The following SERPINF2 variants were observed in gnomAD, a reference collection of about 807,000 sequenced individuals.
The protein encoded by SERPINF2 is serpin family F member 2.
SERPINF2 carries 15 observed loss-of-function variants against 45.0 expected under a neutral mutation model. The observed-to-expected ratio is 0.33, with a 90% CI of 0.22 to 0.51. The LOEUF is 0.51. Ranked by LOEUF, SERPINF2 falls within the 20% of genes least tolerant of loss-of-function variation. SERPINF2 has a pLI of 0.97. For missense variants in SERPINF2, 518 were observed against 637.4 expected (o/e 0.81, Z 2.02); for synonymous variants, 283 against 277.9 (o/e 1.02, Z -0.18).
chr17:1,746,265 C>T (rs1202909680), intron 5 of SERPINF2, among the ~76,000 whole-genome samples: 4 of 151,794 alleles, frequency 2.6e-5, no homozygotes, highest in African/African-American at 9.7e-5. Context: ...TACAGTGAGC[C>T]GAGATGGCGC....
rs1905653894 is a variant in SERPINF2 at position 1,744,915 on chromosome 17, C to T, written c.-4-77C>T. The T allele has an allele frequency of 2.5e-6, 4 of 1,609,042 alleles. No homozygotes were observed. The South Asian group carries it at 4.4e-5, about 18-fold the overall frequency. ...ATCATGACCCAGGACTTGGCGTTAT[C>T]TGTGATCGCGTGGGTAGGATTCCCT... On this transcript the variant is annotated intron_variant, in intron 1 of 9. Transcript: ENST00000453066.
chr17:1,744,683 G>T, intron 1 of SERPINF2: 1 of 985,360 alleles, frequency 1.0e-6, no homozygotes, highest in Non-Finnish European at 1.2e-6. Flanking sequence ...CACAGCGCAG[G>T]GCCTTGTAGA....
chr17:1,746,854 G>A (rs1266752985), intron 5 of SERPINF2, among the ~76,000 whole-genome samples, 165 bp from the exon 6 acceptor site: 2 of 152,230 alleles, frequency 1.3e-5, no homozygotes, highest in African/African-American at 4.8e-5. Flanking sequence ...CACCCAGCCT[G>A]TCAGCCACAG....
Position 1,754,697 on chromosome 17 carries a change from GC to G in SERPINF2, c.*164del. The G allele has an allele frequency of 2.4e-6, 1 of 418,954 alleles. No homozygotes were observed. The highest frequency in any genetic ancestry group is 5.6e-5 in the East Asian group (1 of 17,706). The allele number at this position is 418,954 out of a possible 1,614,324, so 26.0% of individuals were successfully genotyped here. ...GGGGAGTTTAGGGTGGGGGGGGGGC[GC>G]GGCTGGGAGGAGGGCAGGCATCGGG... On this transcript the variant is annotated 3_prime_UTR_variant, in exon 10 of 10. Coordinates refer to ENST00000453066, the MANE Select transcript of SERPINF2 (RefSeq NM_000934.4).
rs550661879 is a variant in SERPINF2, at chr17:1,754,728, C to T, written c.*194C>T. The T allele has an allele frequency of 3.9e-5, 26 of 662,184 alleles. No homozygotes were observed. Among genetic ancestry groups the T allele is most frequent in the Middle Eastern group, 4.3e-4 (1 of 2,344 alleles). 41.0% of individuals were successfully genotyped at this position (662,184 alleles called of 1,614,324 possible). A position where few individuals can be genotyped will look rare whatever the true frequency, so the allele number is the denominator to read the frequency against. On this transcript the variant is annotated 3_prime_UTR_variant, in exon 10 of 10. Transcript: ENST00000453066. ...GGGAGGAGGGCAGGCATCGGGGAGCCGGGAGCCTGACCCTCATCTTTCTTC... is the reference window on the plus strand; with the variant it reads ...GGGAGGAGGGCAGGCATCGGGGAGCTGGGAGCCTGACCCTCATCTTTCTTC...
intron 6 of SERPINF2, 48 bp downstream of exon 6, chr17:1,747,210 G>A: frequency 1.2e-6 from 2 of 1,611,024 alleles, no homozygotes; most frequent in Non-Finnish European, 8.5e-7. Context: ...CTGGGTGGAG[G>A]AGGGTGAGAG....
intron 8 of SERPINF2, 68 bp from the exon 9 acceptor site, chr17:1,752,518 T>A (rs542253917): frequency 9.6e-6 from 14 of 1,458,378 alleles, no homozygotes; most frequent in Non-Finnish European, 1.3e-5. Flanking sequence ...TAGGAGCACC[T>A]GCTGGCCCCA....
intron 5 of SERPINF2, 48 bp from the exon 6 acceptor site, chr17:1,746,971 G>T (rs547629315): frequency 1.3e-6 from 2 of 1,592,368 alleles, no homozygotes; most frequent in Admixed American, 1.7e-5. Flanking sequence ...GGCAGTGGGG[G>T]TGAGAAAGGA....
intron 8 of SERPINF2, among the ~76,000 whole-genome samples, chr17:1,751,608 G>A (rs1304372198): frequency 7.3e-6 from 1 of 136,446 alleles, no homozygotes; most frequent in African/African-American, 2.5e-5. Flanking sequence ...CAAAAAATTA[G>A]CCGGGCGTAG....
At chr17:1,749,358 A>G (rs976278335) in intron 8 of SERPINF2, among the ~76,000 whole-genome samples, 3 of 151,486 alleles carry the variant, frequency 2.0e-5, no homozygotes, top group Admixed American at 2.0e-4. Flanking sequence ...CCAGGAGGGA[A>G]AGGTTGCAGT....
intron 5 of SERPINF2, 106 bp downstream of exon 5, chr17:1,746,015 G>C: frequency 7.9e-7 from 1 of 1,270,884 alleles, no homozygotes; most frequent in Non-Finnish European, 1.1e-6. Context: ...TCACGTGGCT[G>C]TTTGGTAAAA....
rs777390239 is a variant in SERPINF2, at chr17:1,754,399, G to A, written c.1341G>A (p.Gln447=). 2.5e-6 allele frequency: 4 copies of A among 1,613,596 alleles called. No individual in the cohort carries two copies. In the East Asian group the frequency reaches 8.9e-5, roughly 36 times the overall value. The change falls in exon 10 of 10, where the codon CAG becomes CAA. Residue 447 remains glutamine (Q), a synonymous_variant. Coordinates refer to ENST00000453066, the MANE Select transcript of SERPINF2 (RefSeq NM_000934.4). ...NPSAPRELKE[Q]QDSPGNKDFL... ...GTGCACCGCGGGAGCTCAAGGAACAGCAGGATTCCCCGGGCAACAAGGACT... is the reference window on the plus strand; with the variant it reads ...GTGCACCGCGGGAGCTCAAGGAACAACAGGATTCCCCGGGCAACAAGGACT...
intron 8 of SERPINF2, 22 bp downstream of exon 8, chr17:1,748,762 G>T: frequency 7.4e-6 from 9 of 1,220,868 alleles, no homozygotes; most frequent in African/African-American, 1.5e-5. Flanking sequence ...TTGTCCAGCA[G>T]GCTGGGCCTG....
chr17:1,748,252 G>C (rs112785543), intron 7 of SERPINF2, among the ~76,000 whole-genome samples: 5 of 151,692 alleles, frequency 3.3e-5, no homozygotes, highest in African/African-American at 9.7e-5. Flanking sequence ...TGCAGTGAGC[G>C]GAGGTCGTGC....
rs61163841 is a variant in SERPINF2 at position 1,743,715 on chromosome 17, C to CAA, written c.-5+830_-5+831dup. ...GCATGATAAGAATGAAACTCCATCT[C>CAA]AAAAAAAAAAAAAAAAAAAAAAAAG... On this transcript the variant is annotated intron_variant, in intron 1 of 9. Coordinates refer to ENST00000453066, the MANE Select transcript of SERPINF2 (RefSeq NM_000934.4). Among the ~76,000 whole-genome samples, 268 of 32,562 alleles carry CAA rather than the reference C, an allele frequency of 8.2e-3. 3 individuals are homozygous for CAA. Among genetic ancestry groups the CAA allele is most frequent in the Middle Eastern group, 0.019 (1 of 54 alleles). 21.4% of individuals were successfully genotyped at this position (32,562 alleles called of 152,430 possible).
intron 7 of SERPINF2, 25 bp downstream of exon 7, chr17:1,747,537 C>A: frequency 6.2e-7 from 1 of 1,609,066 alleles, no homozygotes; most frequent in Non-Finnish European, 8.5e-7. Context: ...CTCTCAGATC[C>A]CCCACCCTGT....
chr17:1,746,543 C>A (rs1905842558), intron 5 of SERPINF2, among the ~76,000 whole-genome samples: 1 of 151,402 alleles, frequency 6.6e-6, no homozygotes, highest in Non-Finnish European at 1.5e-5. Flanking sequence ...TCTCCTGCCT[C>A]AGCCTCCCAA....
chr17:1,750,870 C>G (rs1020291337), intron 8 of SERPINF2, among the ~76,000 whole-genome samples: 2 of 152,200 alleles, frequency 1.3e-5, no homozygotes, highest in African/African-American at 4.8e-5. Context: ...AAAGGCCAGT[C>G]TGATCCACCT....
In SERPINF2 at chr17:1,752,932, T is replaced by TA. The variant is rs1906519737; in HGVS notation, c.1063+142_1063+143insA. On this transcript the variant is annotated intron_variant, in intron 9 of 9. Coordinates refer to ENST00000453066, the MANE Select transcript of SERPINF2 (RefSeq NM_000934.4). ...AGGGCTTCGGGAGCGGGGAGAGGGT[T>TA]GAATATGAGCCCCCAGACCCTCTGT... is the stretch of plus-strand genomic sequence containing the variant. 4 of 729,362 alleles carry TA rather than the reference T, an allele frequency of 5.5e-6. No homozygotes were observed. The African/African-American group carries it at 7.1e-5, about 13-fold the overall frequency. 45.2% of individuals were successfully genotyped at this position (729,362 alleles called of 1,614,324 possible).
Sources: gnomAD v4.1 joint callset for allele counts (sites outside exome capture counted in the v4.1 genomes callset) on GRCh38, gnomAD v4.1.1 for gene constraint, MANE v1.5 for transcripts, NCBI Gene and HGNC (gene_info 2026-07-23, HGNC 2026-07-21) for gene names.